Variants in RAD54B observed in about 807,000 individuals in gnomAD.
The protein encoded by RAD54B is RAD54 homolog B.
RAD54B carries 78 observed loss-of-function variants against 95.8 expected under a neutral mutation model. The ratio of observed to expected loss-of-function variants is 0.81; its 90% CI spans 0.68 to 0.98. RAD54B has a LOEUF of 0.98. Ranked by LOEUF, RAD54B falls within the 50% of genes least tolerant of loss-of-function variation. The probability of loss-of-function intolerance (pLI) is 0.00; values close to 1 mark genes in which losing one functional copy is unlikely to be tolerated. For synonymous variants in RAD54B, 328 were observed against 354.9 expected, an observed-to-expected ratio of 0.92 and a Z score of 0.85; for missense variants, 957 against 1,056.6, an observed-to-expected ratio of 0.91 and a Z score of 1.31.
chr8:94,396,590 A>G (rs1456384212), intron 8 of RAD54B, among the ~76,000 whole-genome samples: 1 of 152,134 alleles, frequency 6.6e-6, no homozygotes, highest in Non-Finnish European at 1.5e-5. Flanking sequence ...CACAAAGAGT[A>G]TATGCTTGTA....
chr8:94,461,232 G>A (rs1192631207), intron 2 of RAD54B, among the ~76,000 whole-genome samples: 1 of 136,952 alleles, frequency 7.3e-6, no homozygotes, highest in Non-Finnish European at 1.5e-5. Flanking sequence ...GAGTGCAATG[G>A]CGCAATCTCG....
In RAD54B at chr8:94,411,316, C is replaced by G. The variant is rs1166667977; in HGVS notation, c.305-1G>C. 3 of 1,547,912 alleles carry G rather than the reference C, an allele frequency of 1.9e-6. No homozygotes were observed. In the East Asian group the frequency reaches 7.0e-5, roughly 36 times the overall value. Reference sequence around the variant, plus strand: ...GCTACTTCTTTAGGAGCCGAATGAACTACAATTAAAAAAAAAACACACATT... The same window carrying G: ...GCTACTTCTTTAGGAGCCGAATGAAGTACAATTAAAAAAAAAACACACATT... On this transcript the variant is annotated splice_acceptor_variant, in intron 3 of 14. Transcript: ENST00000336148. LOFTEE classifies it high-confidence loss of function.
chr8:94,443,180 T>TG (rs1291782468), intron 3 of RAD54B, among the ~76,000 whole-genome samples: 1 of 152,188 alleles, frequency 6.6e-6, no homozygotes, highest in Non-Finnish European at 1.5e-5. Flanking sequence ...GGGACATGAA[T>TG]GGAGGTGGAA....
At chr8:94,401,299 C>A (rs1363720532) in intron 6 of RAD54B, among the ~76,000 whole-genome samples, 3 of 152,080 alleles carry the variant, frequency 2.0e-5, no homozygotes, top group Non-Finnish European at 2.9e-5. Flanking sequence ...ACCTCTTCCG[C>A]CACCTCTGCC....
intron 3 of RAD54B, among the ~76,000 whole-genome samples, chr8:94,452,994 T>C (rs1812700635): frequency 6.6e-6 from 1 of 152,180 alleles, no homozygotes; most frequent in African/African-American, 2.4e-5. Flanking sequence ...TATAAACCTG[T>C]ACTAACCTCT....
chr8:94,431,853 G>C, intron 3 of RAD54B: 8 of 1,093,232 alleles, frequency 7.3e-6, no homozygotes, highest in Non-Finnish European at 7.8e-6. Context: ...ATATGCATTT[G>C]TGTATATCTT....
intron 10 of RAD54B, among the ~76,000 whole-genome samples, chr8:94,390,934 CAA>C (rs1417970774): frequency 6.6e-6 from 1 of 152,074 alleles, no homozygotes; most frequent in Non-Finnish European, 1.5e-5. Context: ...GTGCATGAAA[CAA>C]AGTCTGTGCG....
intron 2 of RAD54B, 138 bp from the exon 3 acceptor site, chr8:94,458,574 A>G: frequency 3.1e-6 from 2 of 646,228 alleles, no homozygotes; most frequent in Non-Finnish European, 4.7e-6. Context: ...ATTTAAAAAT[A>G]AATTAATATC....
chr8:94,431,337 T>C (rs1812087800), intron 3 of RAD54B: 3 of 980,650 alleles, frequency 3.1e-6, no homozygotes, highest in Non-Finnish European at 3.6e-6. Flanking sequence ...GAATACCTTA[T>C]CTATTTTGCT....
chr8:94,383,741 CAAGG>C (rs34172884), intron 11 of RAD54B, among the ~76,000 whole-genome samples: 58,111 of 151,538 alleles, frequency 0.38, 11,237 homozygotes, highest in Admixed American at 0.5. Flanking sequence ...TGGGGATTCC[CAAGG>C]ATAAGATAGC....
Position 94,458,252 on chromosome 8 carries a change from T to TA in RAD54B, c.304+15dup. 1 of 1,571,286 alleles carries TA rather than the reference T, an allele frequency of 6.4e-7. No homozygotes were observed. Among genetic ancestry groups the TA allele is most frequent in the Non-Finnish European group, 8.6e-7 (1 of 1,164,962 alleles). ...ATTGGTCAAGCATAAACCTTATCAA[T>TA]AAAAAGCAGTCTTACCTGTATGAGG... On this transcript the variant is annotated intron_variant, in intron 3 of 14. Coordinates refer to ENST00000336148, the MANE Select transcript of RAD54B (RefSeq NM_012415.3).
intron 3 of RAD54B, among the ~76,000 whole-genome samples, chr8:94,418,060 G>A (rs2130059538): frequency 6.6e-6 from 1 of 152,310 alleles, no homozygotes; most frequent in South Asian, 2.1e-4. Context: ...CCTAATGAGA[G>A]TGTATGGATA....
intron 3 of RAD54B, among the ~76,000 whole-genome samples, chr8:94,423,786 G>A (rs1811878020): frequency 6.6e-6 from 1 of 152,144 alleles, no homozygotes; most frequent in Non-Finnish European, 1.5e-5. Context: ...TGCAATTTTA[G>A]TCAATTTTAA....
At chr8:94,467,606 C>G in intron 1 of RAD54B, 51 bp from the exon 2 acceptor site, 1 of 1,509,516 alleles carries the variant, frequency 6.6e-7, no homozygotes, top group Non-Finnish European at 8.9e-7. Flanking sequence ...TTACAATCAC[C>G]CCCAAATATA....
chr8:94,425,890 A>T (rs772976710), intron 3 of RAD54B, among the ~76,000 whole-genome samples: 14 of 151,776 alleles, frequency 9.2e-5, no homozygotes, highest in Non-Finnish European at 1.5e-4. Flanking sequence ...GAATGCACTT[A>T]AATATTACAA....
At chr8:94,411,670 AC>A (rs1811532605) in intron 3 of RAD54B, among the ~76,000 whole-genome samples, 1 of 152,008 alleles carries the variant, frequency 6.6e-6, no homozygotes, top group African/African-American at 2.4e-5. Flanking sequence ...TTTTGACAAA[AC>A]TGATTTAATT....
intron 3 of RAD54B, among the ~76,000 whole-genome samples, chr8:94,445,764 C>A (rs1472618102): frequency 6.6e-6 from 1 of 151,898 alleles, no homozygotes; most frequent in Non-Finnish European, 1.5e-5. Context: ...CTCCTGGCCT[C>A]AAGTGATCCT....
In RAD54B at chr8:94,387,162, A is replaced by G. The variant is rs779858107; in HGVS notation, c.1810-3T>C. On this transcript the variant is annotated splice_polypyrimidine_tract_variant and splice_region_variant and intron_variant, in intron 10 of 14. Coordinates refer to ENST00000336148, the MANE Select transcript of RAD54B (RefSeq NM_012415.3). ...CAAGTTGAGCTACATTCCTTTTCCT[A>G]TTCAAAATGATGATTGTTAATGCTG... 4 of 1,569,666 alleles carry G rather than the reference A, an allele frequency of 2.5e-6. No individual in the cohort carries two copies. The South Asian group carries it at 4.8e-5, about 19-fold the overall frequency.
At chr8:94,407,227 G>T (rs1483514237) in intron 5 of RAD54B, among the ~76,000 whole-genome samples, 2 of 151,848 alleles carry the variant, frequency 1.3e-5, no homozygotes, top group African/African-American at 2.4e-5. Context: ...TTTTATTACT[G>T]TATTCTTAGA....
Sources: gnomAD v4.1 joint callset for allele counts (sites outside exome capture counted in the v4.1 genomes callset) on GRCh38, gnomAD v4.1.1 for gene constraint, MANE v1.5 for transcripts, NCBI Gene and HGNC (gene_info 2026-07-23, HGNC 2026-07-21) for gene names.